LARP4B: variants seen among roughly 807,000 people sequenced by gnomAD.
The protein encoded by LARP4B is La ribonucleoprotein 4B.
In LARP4B, 12 loss-of-function variants were observed where a neutral mutation model predicts 89.8. The ratio of observed to expected loss-of-function variants is 0.13; its 90% CI spans 0.09 to 0.22. LARP4B has a LOEUF of 0.22. Among genes scored for constraint, LARP4B ranks in the 10% least tolerant of loss-of-function variants. LARP4B has a pLI of 1.00. For missense variants in LARP4B, 757 were observed against 947.7 expected, an observed-to-expected ratio of 0.80 and a Z score of 2.64; for synonymous variants, 367 against 363.3, an observed-to-expected ratio of 1.01 and a Z score of -0.12.
the LARP4B span, among the ~76,000 whole-genome samples, chr10:943,766 A>G: frequency 6.6e-6 from 1 of 151,702 alleles, no homozygotes; most frequent in African/African-American, 2.4e-5. Context: ...GGCCCAGGTC[A>G]GGAGGGCCCG....
At chr10:930,793 A>G (rs1389803729) in intron 1 of LARP4B, among the ~76,000 whole-genome samples, 1 of 152,154 alleles carries the variant, frequency 6.6e-6, no homozygotes, top group Non-Finnish European at 1.5e-5. Flanking sequence ...GAGCAACAGG[A>G]TCCCAACTTC....
the LARP4B span, among the ~76,000 whole-genome samples, chr10:948,536 C>T: frequency 1.3e-5 from 2 of 152,334 alleles, no homozygotes; most frequent in African/African-American, 4.8e-5. Context: ...CGTGAGCCCC[C>T]GCGCCCGGCC....
intron 1 of LARP4B, among the ~76,000 whole-genome samples, chr10:901,630 A>G (rs1350608074): frequency 6.6e-6 from 1 of 152,172 alleles, no homozygotes; most frequent in Non-Finnish European, 1.5e-5. Flanking sequence ...ATGTTCTTAT[A>G]GTAAGTGTGT....
chr10:853,358 A>T (rs187143420), intron 5 of LARP4B, among the ~76,000 whole-genome samples: 1 of 148,422 alleles, frequency 6.7e-6, no homozygotes, highest in East Asian at 2.0e-4. Context: ...GTATGTCCTT[A>T]AAAAAAAAAC....
chr10:818,544 T>A (rs1832181362), intron 14 of LARP4B: 1 of 152,174 alleles, frequency 6.6e-6, no homozygotes. Flanking sequence ...GCAAACTCAG[T>A]ATAATAAGAA....
At chr10:833,399 CAG>C (rs1038285246) in intron 8 of LARP4B, among the ~76,000 whole-genome samples, 60 of 149,874 alleles carry the variant, frequency 4.0e-4, no homozygotes, top group Admixed American at 3.6e-3. Flanking sequence ...CACTAAAAAA[CAG>C]AAACACAGAG....
chr10:827,265 G>C (rs1832681208), intron 11 of LARP4B, among the ~76,000 whole-genome samples: 1 of 114,592 alleles, frequency 8.7e-6, no homozygotes, highest in Non-Finnish European at 2.0e-5. Flanking sequence ...GACAGAGAGA[G>C]ACTCTGTCTC....
intron 8 of LARP4B, among the ~76,000 whole-genome samples, chr10:835,530 C>T (rs1050751692): frequency 2.6e-5 from 4 of 152,216 alleles, no homozygotes; most frequent in African/African-American, 9.6e-5. Context: ...GCACCTTCTA[C>T]AAAGACTTTA....
chr10:933,822 A>C (rs1012865826), upstream of LARP4B, among the ~76,000 whole-genome samples: 3 of 151,480 alleles, frequency 2.0e-5, no homozygotes, highest in African/African-American at 7.3e-5. Flanking sequence ...CTGCCCCAAA[A>C]TTGGTAGGTT....
the LARP4B span, among the ~76,000 whole-genome samples, chr10:948,819 T>C: frequency 2.6e-5 from 4 of 152,232 alleles, no homozygotes; most frequent in African/African-American, 9.6e-5. Flanking sequence ...GGCCGTGGTG[T>C]GTGTGCCCAT....
chr10:883,671 C>T (rs1363554094), intron 3 of LARP4B, among the ~76,000 whole-genome samples: 2 of 150,530 alleles, frequency 1.3e-5, no homozygotes, highest in East Asian at 3.9e-4. Context: ...TGGTGGCTCA[C>T]GCCTGTAATC....
the LARP4B span, among the ~76,000 whole-genome samples, chr10:978,351 G>A: frequency 1.3e-5 from 2 of 152,080 alleles, no homozygotes; most frequent in African/African-American, 4.8e-5. Flanking sequence ...TCAAGGTTAC[G>A]TTATTGGTTT....
the LARP4B span, among the ~76,000 whole-genome samples, chr10:948,422 A>T: frequency 1.3e-5 from 2 of 151,952 alleles, no homozygotes; most frequent in African/African-American, 2.4e-5. Context: ...AATTTTTGGC[A>T]TTTTTAGTAG....
rs934296890 is a variant in LARP4B at position 812,110 on chromosome 10, G to C, written c.*816C>G. The stretch of plus-strand genomic sequence containing the variant: ...ACAGAAATGTGCACAGAGCAGGGCC[G>C]GGGCCATCAGCTCACAGGGGTCAAA... On this transcript the variant is annotated 3_prime_UTR_variant, in exon 18 of 18. Coordinates refer to ENST00000316157, the MANE Select transcript of LARP4B (RefSeq NM_015155.3). 2.0e-5 allele frequency: 3 copies of C among 152,666 alleles called. No homozygotes were observed. Among genetic ancestry groups the C allele is most frequent in the African/African-American group, 7.2e-5 (3 of 41,442 alleles). 9.5% of individuals were successfully genotyped at this position (152,666 alleles called of 1,614,324 possible).
At chr10:967,984 G>A in the LARP4B span, among the ~76,000 whole-genome samples, 1 of 152,324 alleles carries the variant, frequency 6.6e-6, no homozygotes, top group Non-Finnish European at 1.5e-5. Flanking sequence ...TTACAGGCAG[G>A]AGCCACCGCG....
chr10:878,044 A>G (rs565657499), intron 3 of LARP4B, among the ~76,000 whole-genome samples: 1 of 152,308 alleles, frequency 6.6e-6, no homozygotes, highest in South Asian at 2.1e-4. Context: ...ACTTCTGGGA[A>G]AGGGGCACAC....
At chr10:919,499 G>T (rs1404941789) in intron 1 of LARP4B, among the ~76,000 whole-genome samples, 2 of 151,714 alleles carry the variant, frequency 1.3e-5, no homozygotes, top group East Asian at 3.9e-4. Context: ...TAAATGGGGG[G>T]AAAAAAGGGA....
At chr10:834,027 T>C (rs1285044278) in intron 8 of LARP4B, among the ~76,000 whole-genome samples, 2 of 151,912 alleles carry the variant, frequency 1.3e-5, no homozygotes, top group Non-Finnish European at 2.9e-5. Flanking sequence ...AGACATACCA[T>C]ACTAATGTCA....
intron 1 of LARP4B, among the ~76,000 whole-genome samples, chr10:908,993 G>C (rs1836578098): frequency 6.6e-6 from 1 of 152,072 alleles, no homozygotes; most frequent in African/African-American, 2.4e-5. Flanking sequence ...AGGCGTGGGA[G>C]CTATGAAATT....
Sources: gnomAD v4.1 joint callset for allele counts (sites outside exome capture counted in the v4.1 genomes callset) on GRCh38, gnomAD v4.1.1 for gene constraint, MANE v1.5 for transcripts, NCBI Gene and HGNC (gene_info 2026-07-23, HGNC 2026-07-21) for gene names.